HDGFL2: variants seen among roughly 807,000 people sequenced by gnomAD.
HDGFL2 encodes the protein HDGF like 2, also known as hepatoma-derived growth factor-related protein 2.
In HDGFL2, 36 loss-of-function variants were observed where a neutral mutation model predicts 77.1. The observed-to-expected ratio is 0.47, with a 90% CI of 0.36 to 0.62. The LOEUF (loss-of-function observed/expected upper bound fraction) is 0.62. HDGFL2 is among the 20% of genes least tolerant of loss of function. HDGFL2 has a pLI of 0.00. For synonymous variants in HDGFL2, 463 were observed against 413.1 expected (o/e 1.12, Z -1.46); for missense variants, 976 against 973.4 (o/e 1.00, Z -0.04).
intron 3 of HDGFL2, among the ~76,000 whole-genome samples, chr19:4,485,597 C>G (rs1377269524): frequency 6.6e-6 from 1 of 151,866 alleles, no homozygotes; most frequent in East Asian, 1.9e-4. Context: ...AAAAAATTAG[C>G]CAGGCGTGGT....
intron 10 of HDGFL2, chr19:4,497,205 T>TG (rs879799166): frequency 2.2e-6 from 1 of 445,136 alleles, no homozygotes; most frequent in African/African-American, 2.1e-5. Flanking sequence ...TTTTTGTTTT[T>TG]TTTTGAGACA....
intron 4 of HDGFL2, among the ~76,000 whole-genome samples, chr19:4,490,881 G>A (rs538241732): frequency 4.0e-5 from 6 of 151,438 alleles, no homozygotes; most frequent in African/African-American, 1.2e-4. Context: ...GCGCAATCTC[G>A]GCTCACCGCA....
Position 4,493,918 on chromosome 19 carries a change from G to A in HDGFL2, c.838+56G>A, listed in dbSNP as rs570501306. On this transcript the variant is annotated intron_variant, in intron 7 of 15. Transcript: ENST00000616600. ...CCTGGCCCCTGCCGGGGCGCTCCCAGGCAGTCCCCTGGTCACCTTGGAGCC... is the reference window on the plus strand; with the variant it reads ...CCTGGCCCCTGCCGGGGCGCTCCCAAGCAGTCCCCTGGTCACCTTGGAGCC... The A allele has an allele frequency of 7.8e-6, 12 of 1,540,090 alleles. No individual in the cohort carries two copies. In the African/African-American group the frequency reaches 8.2e-5, roughly 11 times the overall value.
At chr19:4,480,998 G>A (rs4319873) in intron 3 of HDGFL2, among the ~76,000 whole-genome samples, 102,101 of 147,140 alleles carry the variant, frequency 0.69, 35,644 homozygotes, top group African/African-American at 0.77. Flanking sequence ...GTGGGATTAC[G>A]GGCATCCACC....
intron 7 of HDGFL2, 22 bp from the exon 8 acceptor site, chr19:4,493,960 C>T (rs1975623552): frequency 1.3e-6 from 2 of 1,598,386 alleles, no homozygotes; most frequent in Non-Finnish European, 1.7e-6. Flanking sequence ...GGGAAGGTCA[C>T]CCCCTCCTCC....
chr19:4,493,729 C>T lies in HDGFL2; in HGVS notation c.705C>T (p.Asp235=), dbSNP rs750397952. 8.6e-6 allele frequency: 13 copies of T among 1,503,212 alleles called. No individual in the cohort carries two copies. The South Asian group carries it at 1.0e-4, about 12-fold the overall frequency. 93.1% of individuals were successfully genotyped at this position (1,503,212 alleles called of 1,614,324 possible). A position where few individuals can be genotyped will look rare whatever the true frequency, so the allele number is the denominator to read the frequency against. Reference sequence around the variant, plus strand: ...AGGCGCCATCAGCCTCCGACTCCGACTCCAAGGCCGATTCGGACGGGGCCA... The same window carrying T: ...AGGCGCCATCAGCCTCCGACTCCGATTCCAAGGCCGATTCGGACGGGGCCA... ...KKKAPSASDS[D]SKADSDGAKP... Residue 235 remains aspartate, a synonymous_variant, in exon 7 of 16, where the codon GAC becomes GAT. Coordinates refer to ENST00000616600, the MANE Select transcript of HDGFL2 (RefSeq NM_001001520.3).
At chr19:4,474,153 A>G (rs774115458) in intron 1 of HDGFL2, among the ~76,000 whole-genome samples, 4 of 151,830 alleles carry the variant, frequency 2.6e-5, no homozygotes, top group Non-Finnish European at 2.9e-5. Context: ...AGGTTGGTGG[A>G]ATTTGCCGGG....
chr19:4,487,165 A>T (rs952444041), intron 3 of HDGFL2, among the ~76,000 whole-genome samples: 1 of 151,874 alleles, frequency 6.6e-6, no homozygotes, highest in African/African-American at 2.4e-5. Context: ...ACAGGGTTTC[A>T]CCATCTTGGC....
At chr19:4,478,187 G>A (rs988528710) in intron 3 of HDGFL2, among the ~76,000 whole-genome samples, 12 of 144,448 alleles carry the variant, frequency 8.3e-5, no homozygotes, top group African/African-American at 2.3e-4. Context: ...GTTTTGTCCC[G>A]GATGCTGCTG....
rs902707304 is a variant in HDGFL2, at chr19:4,499,643, C to T, written c.1728C>T (p.Ala576=). ...MEKEKAEEKL[A]GEELAGEEAP... ...AGGAGAAGGCCGAGGAGAAGCTGGC[C>T]GGGGAGGAGCTGGCCGGGGAGGAGG... The change falls in exon 14 of 16, where the codon GCC becomes GCT. Residue 576 remains alanine, a synonymous_variant. Transcript: ENST00000616600. The T allele has an allele frequency of 4.1e-5, 58 of 1,429,446 alleles. No homozygotes were observed. In the South Asian group the frequency reaches 4.9e-4, roughly 12 times the overall value. 88.5% of individuals were successfully genotyped at this position (1,429,446 alleles called of 1,614,324 possible).
rs139161469 is a variant in HDGFL2 at position 4,487,654 on chromosome 19, C to T, written c.289-1022C>T. 3.1e-3 allele frequency among the ~76,000 whole-genome samples: 471 copies of T among 152,288 alleles called. 1 individual carries two copies. The highest frequency in any genetic ancestry group is 5.8e-3 in the Non-Finnish European group (392 of 68,032). ...TTAAATGGCAATGTTCAGGGTCTCC[C>T]GCTAGAAAACCAGCTCCCAGGGGCA... On this transcript the variant is annotated intron_variant, in intron 3 of 15. Transcript: ENST00000616600.
intron 3 of HDGFL2, among the ~76,000 whole-genome samples, chr19:4,481,309 G>A (rs1350171142): frequency 6.6e-6 from 1 of 150,834 alleles, no homozygotes; most frequent in Non-Finnish European, 1.5e-5. Context: ...TCCTGCCTCA[G>A]CCTCCCGAGT....
chr19:4,484,088 CTT>C (rs577665698), intron 3 of HDGFL2, among the ~76,000 whole-genome samples: 25 of 122,660 alleles, frequency 2.0e-4, no homozygotes, highest in African/African-American at 5.1e-4. Context: ...TGCACCCGGC[CTT>C]TTTTTTTTTT....
chr19:4,498,448 C>T lies in HDGFL2; in HGVS notation c.1473+72C>T, dbSNP rs1198582900. On this transcript the variant is annotated intron_variant, in intron 12 of 15. Transcript: ENST00000616600. ...CCCTGCCAGGCTCCCTTAGATGTCT[C>T]GGGAAACTGAGGCAAAGCCGGGGTC... is the stretch of plus-strand genomic sequence containing the variant. The T allele has an allele frequency of 1.7e-5, 21 of 1,246,930 alleles. 1 individual carries two copies. The highest frequency in any genetic ancestry group is 1.9e-4 in the Middle Eastern group (1 of 5,298). 77.2% of individuals were successfully genotyped at this position (1,246,930 alleles called of 1,614,324 possible).
At chr19:4,498,212 C>T (rs956554150) in intron 11 of HDGFL2, 94 bp from the exon 12 acceptor site, 2 of 1,308,516 alleles carry the variant, frequency 1.5e-6, no homozygotes, top group Non-Finnish European at 2.2e-6. Flanking sequence ...GCCCCCATGA[C>T]AAATCCTCCA....
At chr19:4,485,741 CAAA>C (rs757419803) in intron 3 of HDGFL2, among the ~76,000 whole-genome samples, 1 of 129,588 alleles carries the variant, frequency 7.7e-6, no homozygotes, top group Non-Finnish European at 1.6e-5. Flanking sequence ...GACTCCGTCT[CAAA>C]AAAAAAAAAA....
At chr19:4,473,305 G>C (rs1338344746) in intron 1 of HDGFL2, among the ~76,000 whole-genome samples, 2 of 151,012 alleles carry the variant, frequency 1.3e-5, no homozygotes, top group East Asian at 3.9e-4. Flanking sequence ...GGGCTTCTGT[G>C]CCTGAGGGAG....
chr19:4,486,704 A>C (rs1246192746), intron 3 of HDGFL2, among the ~76,000 whole-genome samples: 1 of 151,918 alleles, frequency 6.6e-6, no homozygotes, highest in African/African-American at 2.4e-5. Context: ...CCTGGCGCTC[A>C]TACATTTTCC....
At chr19:4,492,870 G>GT (rs1307954843) in intron 6 of HDGFL2, among the ~76,000 whole-genome samples, 15 of 145,156 alleles carry the variant, frequency 1.0e-4, no homozygotes, top group African/African-American at 1.9e-4. Context: ...TGTGTGGTGT[G>GT]TGTGGTGTGG....
Sources: gnomAD v4.1 joint callset for allele counts (sites outside exome capture counted in the v4.1 genomes callset) on GRCh38, gnomAD v4.1.1 for gene constraint, MANE v1.5 for transcripts, NCBI Gene and HGNC (gene_info 2026-07-23, HGNC 2026-07-21) for gene names.